The following SHISA9 variants were observed in gnomAD, a reference collection of about 807,000 sequenced individuals.
SHISA9 encodes shisa family member 9, also known as protein shisa-9.
A neutral mutation model predicts 38.0 loss-of-function variants in SHISA9; 13 were observed. The ratio of observed to expected loss-of-function variants is 0.34; its 90% CI spans 0.22 to 0.54. SHISA9 has a LOEUF of 0.54. SHISA9 is among the 20% of genes least tolerant of loss of function. The pLI, the probability that SHISA9 is intolerant of heterozygous loss-of-function variation, is 0.91. For missense variants in SHISA9, 538 were observed against 575.8 expected (o/e 0.93, Z 0.67); for synonymous variants, 275 against 242.0 (o/e 1.14, Z -1.27).
chr16:12,921,186 G>C (rs766557373), intron 2 of SHISA9, among the ~76,000 whole-genome samples: 2 of 152,186 alleles, frequency 1.3e-5, no homozygotes, highest in Non-Finnish European at 2.9e-5. Flanking sequence ...ATGATGTTAC[G>C]TGATTTAGTT....
chr16:12,945,785 T>A (rs34756802), intron 2 of SHISA9, among the ~76,000 whole-genome samples: 31,014 of 152,118 alleles, frequency 0.2, 3,814 homozygotes, highest in Middle Eastern at 0.36. Context: ...GGTATATACA[T>A]ACACATCTCC....
chr16:13,230,683 T>C (rs1018083297), intron 4 of SHISA9, among the ~76,000 whole-genome samples: 1 of 152,090 alleles, frequency 6.6e-6, no homozygotes, highest in Non-Finnish European at 1.5e-5. Flanking sequence ...GGCGAGTCCA[T>C]AGAGTAAAGT....
At chr16:13,097,566 A>G (rs75846170) in intron 2 of SHISA9, among the ~76,000 whole-genome samples, 3,151 of 152,078 alleles carry the variant, frequency 0.021, 50 homozygotes, top group Admixed American at 0.047. Flanking sequence ...ATGCCCAGCT[A>G]TTTCAAAATA....
the SHISA9 span, chr16:13,458,840 T>TCTTTG: frequency 5.3e-6 from 1 of 187,032 alleles, no homozygotes; most frequent in East Asian, 1.8e-4. Flanking sequence ...TTCTCGGGTT[T>TCTTTG]TTTTGTTTTG....
the SHISA9 span, among the ~76,000 whole-genome samples, chr16:13,416,636 C>T: frequency 0.7 from 105,549 of 151,396 alleles, 37,037 homozygotes; most frequent in East Asian, 0.81. Context: ...TGCTTGAATC[C>T]AGGAGTTCGA....
intron 2 of SHISA9, among the ~76,000 whole-genome samples, chr16:13,062,136 ACGGGTGGC>A (rs1400177426): frequency 9.9e-5 from 15 of 152,110 alleles, no homozygotes; most frequent in Non-Finnish European, 2.9e-5. Context: ...CAGACAAACA[ACGGGTGGC>A]ATTTTAGTGG....
the SHISA9 span, among the ~76,000 whole-genome samples, chr16:13,255,352 C>A: frequency 1.3e-5 from 2 of 152,128 alleles, no homozygotes; most frequent in African/African-American, 4.8e-5. Flanking sequence ...GAAACACATT[C>A]TCTCTGTTTG....
chr16:13,505,131 A>T, the SHISA9 span, among the ~76,000 whole-genome samples: 1 of 152,202 alleles, frequency 6.6e-6, no homozygotes, highest in Non-Finnish European at 1.5e-5. Flanking sequence ...AAATTCCAGT[A>T]TGGTTATCTG....
chr16:12,972,182 T>A (rs562347136), intron 2 of SHISA9, among the ~76,000 whole-genome samples: 1 of 151,902 alleles, frequency 6.6e-6, no homozygotes, highest in African/African-American at 2.4e-5. Flanking sequence ...TTGTAAGCAC[T>A]CACATTTAAA....
chr16:13,151,359 A>C (rs1173768543), intron 2 of SHISA9, among the ~76,000 whole-genome samples: 1 of 152,136 alleles, frequency 6.6e-6, no homozygotes, highest in Non-Finnish European at 1.5e-5. Flanking sequence ...CACCCACCTC[A>C]GCCTCCCAAA....
chr16:13,151,819 C>T (rs570537517), intron 2 of SHISA9, among the ~76,000 whole-genome samples: 4 of 152,262 alleles, frequency 2.6e-5, no homozygotes, highest in East Asian at 1.9e-4. Context: ...GCCATGGATT[C>T]GCTGGCCTGT....
chr16:12,916,758 G>T lies in SHISA9; in HGVS notation c.634G>T (p.Val212Phe). Reference sequence around the variant, plus strand: ...TCACATGGAGAGAGACCTAAACATCGTTGTCCACGTCCAGCATTATGAGAA... The same window carrying T: ...TCACATGGAGAGAGACCTAAACATCTTTGTCCACGTCCAGCATTATGAGAA... Reference protein sequence around the residue: ...TDHMERDLNIVVHVQHYENMD... With the variant: ...TDHMERDLNIFVHVQHYENMD... The change falls in exon 2 of 5, where the codon GTT (valine) becomes TTT (phenylalanine). Residue 212 changes from valine (V) to phenylalanine (F), a missense_variant. By Grantham distance (50) the Val-to-Phe change is conservative. This residue lies in a region of SHISA9 where 326 missense variants were observed against 305.9 expected (regional missense o/e 1.07). Transcript: ENST00000558583. The T allele has an allele frequency of 1.3e-6, 2 of 1,552,036 alleles. No homozygotes were observed. The highest frequency in any genetic ancestry group is 4.9e-5 in the East Asian group (2 of 40,916).
chr16:13,255,666 C>T, the SHISA9 span, among the ~76,000 whole-genome samples: 1 of 152,186 alleles, frequency 6.6e-6, no homozygotes, highest in African/African-American at 2.4e-5. Context: ...AAATTTCATG[C>T]TCTAAATATT....
At chr16:13,555,029 A>G in the SHISA9 span, among the ~76,000 whole-genome samples, 4 of 152,236 alleles carry the variant, frequency 2.6e-5, no homozygotes, top group African/African-American at 9.6e-5. Context: ...GGCAACTTGA[A>G]CTGGACTTTC....
chr16:13,290,562 C>T, the SHISA9 span, among the ~76,000 whole-genome samples: 1 of 152,106 alleles, frequency 6.6e-6, no homozygotes, highest in South Asian at 2.1e-4. Flanking sequence ...TTAATCTGAG[C>T]CCTGAATCCA....
the SHISA9 span, among the ~76,000 whole-genome samples, chr16:13,556,157 C>A: frequency 1.3e-5 from 2 of 152,138 alleles, no homozygotes; most frequent in Non-Finnish European, 2.9e-5. Flanking sequence ...TTTCTCTCAC[C>A]ACACACCATC....
chr16:12,982,849 C>T (rs531864585), intron 2 of SHISA9, among the ~76,000 whole-genome samples: 12 of 152,306 alleles, frequency 7.9e-5, no homozygotes, highest in South Asian at 4.1e-4. Flanking sequence ...CATAAATAAA[C>T]GAGGACATTA....
chr16:13,230,350 G>T (rs532038221), intron 4 of SHISA9, among the ~76,000 whole-genome samples: 1 of 152,312 alleles, frequency 6.6e-6, no homozygotes, highest in South Asian at 2.1e-4. Context: ...AGGCCAGTTT[G>T]GTTACTGAAG....
chr16:13,433,008 C>T, the SHISA9 span, among the ~76,000 whole-genome samples: 3 of 151,832 alleles, frequency 2.0e-5, no homozygotes, highest in East Asian at 3.9e-4. Context: ...GTACAGCAAA[C>T]CCCCATGACA....
Sources: allele counts gnomAD v4.1 joint callset (sites outside exome capture counted in the v4.1 genomes callset), GRCh38; gene constraint gnomAD v4.1.1; regional missense constraint gnomAD v4.1.1; transcripts MANE v1.5; gene names NCBI Gene and HGNC (gene_info 2026-07-23, HGNC 2026-07-21).